FRMPD4: variants seen among roughly 807,000 people sequenced by gnomAD.
FRMPD4 encodes FERM and PDZ domain containing 4, also known as FERM and PDZ domain-containing protein 4.
In FRMPD4, 22 loss-of-function variants were observed where a neutral mutation model predicts 94.1. That is an observed-to-expected ratio of 0.23 (90% confidence interval 0.17 to 0.33). The LOEUF is 0.33. Among genes scored for constraint, FRMPD4 ranks in the 10% least tolerant of loss-of-function variants. The pLI, the probability that FRMPD4 is intolerant of heterozygous loss-of-function variation, is 1.00. For synonymous variants in FRMPD4, 631 were observed against 548.6 expected (o/e 1.15, Z -2.10); for missense variants, 1,111 against 1,339.9 (o/e 0.83, Z 2.67).
At chrX:12,173,533 G>A (rs2056255842) in intron 1 of FRMPD4, among the ~76,000 whole-genome samples, 1 of 112,484 alleles carries the variant, frequency 8.9e-6, no homozygotes, top group African/African-American at 3.2e-5. Context: ...AAATGAAGGT[G>A]TATAAGAAAA....
intron 1 of FRMPD4, among the ~76,000 whole-genome samples, chrX:12,144,856 T>A (rs1182163994): frequency 9.2e-6 from 1 of 109,190 alleles, no homozygotes; most frequent in Non-Finnish European, 1.9e-5. Context: ...TCTGTTTTAC[T>A]GCTTTAAGCT....
At chrX:12,401,013 G>A (rs1025680722) in intron 1 of FRMPD4, among the ~76,000 whole-genome samples, 25 of 112,036 alleles carry the variant, frequency 2.2e-4, no homozygotes, top group African/African-American at 8.1e-4. Context: ...GAAAATCTGT[G>A]ATTAGAAGCA....
chrX:12,343,449 G>A (rs1244456483), intron 1 of FRMPD4, among the ~76,000 whole-genome samples: 1 of 111,060 alleles, frequency 9.0e-6, no homozygotes, highest in Non-Finnish European at 1.9e-5. Context: ...CAAGAAAGAG[G>A]TCAGGCCTAT....
At chrX:12,444,932 G>A (rs1464463203) in intron 1 of FRMPD4, among the ~76,000 whole-genome samples, 1 of 111,986 alleles carries the variant, frequency 8.9e-6, no homozygotes, top group African/African-American at 3.2e-5. Flanking sequence ...CCTTAGCACT[G>A]CAGTACATAT....
chrX:12,025,747 A>G (rs1347028113), intron 3 of FRMPD4, among the ~76,000 whole-genome samples: 1 of 111,611 alleles, frequency 9.0e-6, no homozygotes, highest in African/African-American at 3.3e-5. Flanking sequence ...GCCAACAACC[A>G]TTTGATTGTT....
chrX:12,538,005 G>A (rs1167391952), intron 2 of FRMPD4, among the ~76,000 whole-genome samples: 14 of 110,939 alleles, frequency 1.3e-4, no homozygotes, highest in Non-Finnish European at 2.6e-4. Context: ...GCTTGTTGGA[G>A]AGCGAGTGCC....
chrX:12,605,015 T>C (rs1026289088), intron 2 of FRMPD4, among the ~76,000 whole-genome samples: 18 of 112,330 alleles, frequency 1.6e-4, no homozygotes, highest in Non-Finnish European at 3.4e-4. Flanking sequence ...GTTATGATCA[T>C]TGTCACCATT....
At chrX:12,404,360 T>C (rs1445782933) in intron 1 of FRMPD4, among the ~76,000 whole-genome samples, 3 of 112,277 alleles carry the variant, frequency 2.7e-5, no homozygotes, top group Non-Finnish European at 3.8e-5. Flanking sequence ...TTATGTTTTT[T>C]GGGGTCTTTT....
At chrX:12,505,274 T>A (rs17255935) in intron 2 of FRMPD4, among the ~76,000 whole-genome samples, 16,586 of 111,237 alleles carry the variant, frequency 0.15, 968 homozygotes, top group African/African-American at 0.17. Context: ...ATTTTGATGT[T>A]ATTGCCTAAG....
At chrX:11,992,405 A>C (rs1400000165) in intron 3 of FRMPD4, among the ~76,000 whole-genome samples, 1 of 111,801 alleles carries the variant, frequency 8.9e-6, no homozygotes, top group Non-Finnish European at 1.9e-5. Flanking sequence ...CAAAACCAAC[A>C]TGCTATTGCT....
chrX:12,543,111 T>G (rs1202003936), intron 2 of FRMPD4, among the ~76,000 whole-genome samples: 1 of 111,444 alleles, frequency 9.0e-6, no homozygotes. Context: ...AAGACTTACA[T>G]GTTAGACCTA....
intron 3 of FRMPD4, among the ~76,000 whole-genome samples, chrX:12,052,583 C>T (rs943501553): frequency 7.1e-5 from 8 of 112,210 alleles, no homozygotes; most frequent in Non-Finnish European, 1.3e-4. Context: ...TGTCACTCTG[C>T]GACATTGGGC....
intron 1 of FRMPD4, among the ~76,000 whole-genome samples, chrX:12,257,514 C>CT (rs982143430): frequency 2.8e-5 from 3 of 105,561 alleles, no homozygotes; most frequent in African/African-American, 7.7e-5. Context: ...CTTGTTTTGA[C>CT]TTTTTTTTTC....
At chrX:12,089,759 A>C in intron 3 of FRMPD4, among the ~76,000 whole-genome samples, 1 of 112,205 alleles carries the variant, frequency 8.9e-6, no homozygotes, top group Admixed American at 9.4e-5. Context: ...GATAGTGTCA[A>C]CCAATGAAGT....
intron 1 of FRMPD4, among the ~76,000 whole-genome samples, chrX:12,146,113 C>T (rs201944557): frequency 0.073 from 8,150 of 111,022 alleles, 909 homozygotes; most frequent in East Asian, 0.62. Flanking sequence ...CCTGTAATCC[C>T]AACACTTTGG....
At chrX:12,227,080 A>T (rs1397253807) in intron 1 of FRMPD4, among the ~76,000 whole-genome samples, 3 of 111,542 alleles carry the variant, frequency 2.7e-5, no homozygotes, top group Non-Finnish European at 3.8e-5. Flanking sequence ...GATATTTTAA[A>T]TTTTTTTATT....
intron 2 of FRMPD4, among the ~76,000 whole-genome samples, chrX:12,553,547 C>G (rs1214900891): frequency 9.7e-6 from 1 of 103,096 alleles, no homozygotes; most frequent in African/African-American, 3.6e-5. Context: ...TAACAACCTT[C>G]AACTCCCCTG....
At chrX:12,717,351 T>A (rs1602372500) in intron 15 of FRMPD4, 150 bp from the exon 16 acceptor site, 2 of 436,832 alleles carry the variant, frequency 4.6e-6, no homozygotes, top group East Asian at 8.0e-5. Flanking sequence ...CCACCCCCAT[T>A]TCTGGAAAAA....
intron 1 of FRMPD4, among the ~76,000 whole-genome samples, chrX:12,347,488 G>T (rs1199746316): frequency 1.8e-5 from 2 of 110,772 alleles, no homozygotes; most frequent in Non-Finnish European, 3.8e-5. Flanking sequence ...TTCCCACCTT[G>T]GCCCCCCAAA....
Sources: gnomAD v4.1 joint callset for allele counts (sites outside exome capture counted in the v4.1 genomes callset) on GRCh38, gnomAD v4.1.1 for gene constraint, MANE v1.5 for transcripts, NCBI Gene and HGNC (gene_info 2026-07-23, HGNC 2026-07-21) for gene names.